Variants in PTPRD observed in about 807,000 individuals in gnomAD.
PTPRD encodes the protein receptor-type tyrosine-protein phosphatase delta.
In PTPRD, 34 loss-of-function variants were observed where a neutral mutation model predicts 214.5. The observed-to-expected ratio is 0.16, with a 90% CI of 0.12 to 0.21. The LOEUF (loss-of-function observed/expected upper bound fraction) is 0.21, where lower values mean the gene tolerates loss of function less well. Ranked by LOEUF, PTPRD falls within the 10% of genes least tolerant of loss-of-function variation. The pLI, the probability that PTPRD is intolerant of heterozygous loss-of-function variation, is 1.00. For synonymous variants in PTPRD, 1,128 were observed against 845.7 expected, an observed-to-expected ratio of 1.33 and a Z score of -5.79; for missense variants, 2,545 against 2,398.7, an observed-to-expected ratio of 1.06 and a Z score of -1.27.
chr9:10,222,443 T>C (rs2099574449), intron 3 of PTPRD, among the ~76,000 whole-genome samples: 1 of 152,116 alleles, frequency 6.6e-6, no homozygotes, highest in East Asian at 1.9e-4. Flanking sequence ...CTTAATAGCA[T>C]CCTATGTCTT....
chr9:8,884,401 A>G (rs2098469998), intron 11 of PTPRD, among the ~76,000 whole-genome samples: 1 of 152,254 alleles, frequency 6.6e-6, no homozygotes, highest in African/African-American at 2.4e-5. Flanking sequence ...AGTGGAAGGC[A>G]CAGGAAAATG....
At chr9:9,013,261 C>A (rs777263753) in intron 11 of PTPRD, among the ~76,000 whole-genome samples, 1 of 151,828 alleles carries the variant, frequency 6.6e-6, no homozygotes, top group East Asian at 1.9e-4. Flanking sequence ...ACGAGGCCAC[C>A]GACACTAGAA....
chr9:10,258,145 C>A (rs998125123), intron 3 of PTPRD, among the ~76,000 whole-genome samples: 1 of 152,314 alleles, frequency 6.6e-6, no homozygotes, highest in African/African-American at 2.4e-5. Context: ...ATTATCCCAA[C>A]AGATATCCTT....
At chr9:8,704,169 A>T (rs2098148928) in intron 12 of PTPRD, among the ~76,000 whole-genome samples, 1 of 152,118 alleles carries the variant, frequency 6.6e-6, no homozygotes, top group Admixed American at 6.6e-5. Flanking sequence ...ATGAACACTG[A>T]GTTTACAGAG....
Position 9,428,011 on chromosome 9 carries a change from G to A in PTPRD, c.-236-30529C>T, listed in dbSNP as rs188149000. ...AGGAAGAAACTGAATCAACTAAGGA[G>A]CAAAATAACCAGCTAACATCATAAT... On this transcript the variant is annotated intron_variant, in intron 8 of 45. Coordinates refer to ENST00000381196, the MANE Select transcript of PTPRD (RefSeq NM_002839.4). Among the ~76,000 whole-genome samples, 367 of 152,252 alleles carry A rather than the reference G, an allele frequency of 2.4e-3. 1 individual carries two copies. Among genetic ancestry groups the A allele is most frequent in the Non-Finnish European group, 4.0e-3 (271 of 68,012 alleles).
At chr9:9,951,578 T>C (rs1001162784) in intron 4 of PTPRD, among the ~76,000 whole-genome samples, 7 of 152,212 alleles carry the variant, frequency 4.6e-5, no homozygotes, top group African/African-American at 1.7e-4. Flanking sequence ...GAGTAAAGTT[T>C]CCCCTCCCCT....
chr9:9,575,585 T>C (rs573183126), intron 7 of PTPRD, among the ~76,000 whole-genome samples: 73 of 151,186 alleles, frequency 4.8e-4, no homozygotes, highest in African/African-American at 1.7e-3. Flanking sequence ...CCACCTGTGG[T>C]GGTGCATGCC....
rs1212542142 is a variant in PTPRD at position 9,140,197 on chromosome 9, AAAAAAG to A, written c.-143+43101_-143+43106del. On this transcript the variant is annotated intron_variant, in intron 10 of 45. Coordinates refer to ENST00000381196, the MANE Select transcript of PTPRD (RefSeq NM_002839.4). ...CTATGTAAATCCATGCATGGAAAAA[AAAAAAG>A]AAAAAGAAAAAGAAAAAAAAGAAAA... Among the ~76,000 whole-genome samples, 10 of 151,754 alleles carry A rather than the reference AAAAAAG, an allele frequency of 6.6e-5. 1 individual carries two copies. Among genetic ancestry groups the A allele is most frequent in the African/African-American group, 2.2e-4 (9 of 41,324 alleles).
intron 10 of PTPRD, among the ~76,000 whole-genome samples, chr9:9,115,689 C>A (rs2099811740): frequency 1.3e-5 from 2 of 152,106 alleles, no homozygotes; most frequent in Admixed American, 1.3e-4. Flanking sequence ...CTATGTTTAT[C>A]ACAACACAAT....
chr9:9,403,682 TATTA>T (rs1268746516), intron 8 of PTPRD, among the ~76,000 whole-genome samples: 3 of 152,136 alleles, frequency 2.0e-5, no homozygotes, highest in Non-Finnish European at 2.9e-5. Flanking sequence ...TTAATTTTTT[TATTA>T]ATTAAACTAA....
Position 10,136,196 on chromosome 9 carries a change from T to C in PTPRD, c.-544-102406A>G, listed in dbSNP as rs76448202. Among the ~76,000 whole-genome samples the C allele has an allele frequency of 3.0e-3, 449 of 152,114 alleles. 4 individuals are homozygous for C. The highest frequency in any genetic ancestry group is 0.01 in the African/African-American group (415 of 41,494). ...AACAAGAACACCTAATTATCCTAAA[T>C]ACATATGCAATGCAACATTGGCACT... On this transcript the variant is annotated intron_variant, in intron 3 of 45. Transcript: ENST00000381196.
chr9:8,728,592 T>G (rs934900642), intron 12 of PTPRD, among the ~76,000 whole-genome samples: 2 of 152,248 alleles, frequency 1.3e-5, no homozygotes, highest in Non-Finnish European at 1.5e-5. Flanking sequence ...AAGTTATCCT[T>G]TCCTTTCCTA....
In PTPRD at chr9:9,691,521, T is replaced by C. The variant is rs575336596; in HGVS notation, c.-287+43012A>G. ...TTGTGTGGAAGTGCTATGTGTTCTT[T>C]ATTCATCTGTTGATGGAAACTTAAG... On this transcript the variant is annotated intron_variant, in intron 7 of 45. Coordinates refer to ENST00000381196, the MANE Select transcript of PTPRD (RefSeq NM_002839.4). Among the ~76,000 whole-genome samples, 6 of 152,142 alleles carry C rather than the reference T, an allele frequency of 3.9e-5. No individual in the cohort carries two copies. In the South Asian group the frequency reaches 1.0e-3, roughly 26 times the overall value.
intron 2 of PTPRD, among the ~76,000 whole-genome samples, chr9:10,521,629 C>G (rs10756055): frequency 0.82 from 124,427 of 152,062 alleles, 51,573 homozygotes; most frequent in Non-Finnish European, 0.89. Flanking sequence ...CAAAATCATT[C>G]TTATTTTAAG....
intron 3 of PTPRD, among the ~76,000 whole-genome samples, chr9:10,151,526 G>T (rs955470420): frequency 5.9e-5 from 9 of 152,008 alleles, no homozygotes; most frequent in Non-Finnish European, 5.9e-5. Context: ...CTCCCAAAGT[G>T]CTGGGATTAC....
chr9:9,411,142 T>C (rs1469949152), intron 8 of PTPRD, among the ~76,000 whole-genome samples: 2 of 151,964 alleles, frequency 1.3e-5, no homozygotes, highest in South Asian at 4.1e-4. Context: ...AAAATAGACA[T>C]AAAATAGATT....
rs2095796754 is a variant in PTPRD at position 9,637,112 on chromosome 9, T to G, written c.-286-62331A>C. 2.0e-5 allele frequency among the ~76,000 whole-genome samples: 3 copies of G among 152,112 alleles called. No homozygotes were observed. The South Asian group carries it at 6.2e-4, about 32-fold the overall frequency. On this transcript the variant is annotated intron_variant, in intron 7 of 45. Transcript: ENST00000381196. ...GCCCCACCTCCCAAAACTATTACAGTATGGATTAAGTTTCCAACACATGAA... is the reference window on the plus strand; with the variant it reads ...GCCCCACCTCCCAAAACTATTACAGGATGGATTAAGTTTCCAACACATGAA...
intron 5 of PTPRD, among the ~76,000 whole-genome samples, chr9:9,884,406 A>G (rs1347466340): frequency 6.6e-6 from 1 of 152,178 alleles, no homozygotes; most frequent in Non-Finnish European, 1.5e-5. Flanking sequence ...ACCTCTTCTC[A>G]GATTCTATCT....
chr9:9,384,711 T>G (rs1471656759), intron 9 of PTPRD, among the ~76,000 whole-genome samples: 1 of 152,142 alleles, frequency 6.6e-6, no homozygotes, highest in African/African-American at 2.4e-5. Flanking sequence ...ATGAGCTCCT[T>G]GATCACTAAA....
Sources: gnomAD v4.1 joint callset for allele counts (sites outside exome capture counted in the v4.1 genomes callset) on GRCh38, gnomAD v4.1.1 for gene constraint, MANE v1.5 for transcripts, NCBI Gene and HGNC (gene_info 2026-07-23, HGNC 2026-07-21) for gene names.